Variants in PAFAH2 observed in about 807,000 individuals in gnomAD.
PAFAH2 encodes the protein platelet-activating factor acetylhydrolase 2, cytoplasmic.
In PAFAH2, 42 loss-of-function variants were observed where a neutral mutation model predicts 49.0. The observed-to-expected ratio is 0.86, with a 90% CI of 0.67 to 1.11. The LOEUF is 1.11. PAFAH2 is among the 50% of genes least tolerant of loss of function. The pLI, the probability that PAFAH2 is intolerant of heterozygous loss-of-function variation, is 0.00. For missense variants in PAFAH2, 503 were observed against 501.8 expected, an observed-to-expected ratio of 1.00 and a Z score of -0.02; for synonymous variants, 184 against 181.3, an observed-to-expected ratio of 1.01 and a Z score of -0.12.
chr1:25,984,058 C>T lies in PAFAH2; in HGVS notation c.440G>A (p.Cys147Tyr). 6.2e-7 allele frequency: 1 copy of T among 1,614,106 alleles called. No individual in the cohort carries two copies. The highest frequency in any genetic ancestry group is 8.5e-7 in the Non-Finnish European group (1 of 1,180,006). Residue 147 changes from cysteine (C) to tyrosine (Y), a missense_variant, in exon 6 of 11, where the codon TGC (cysteine) becomes TAC (tyrosine). Coordinates refer to ENST00000374282, the MANE Select transcript of PAFAH2 (RefSeq NM_000437.4). ...CTGGTTCTCTTCTGGGGCCTGCTTG[C>T]AGAAATAGGTGGTTGCCGCTGACCG... is the stretch of plus-strand genomic sequence containing the variant. The part of the protein sequence containing the change: ...RDRSAATTYF[C>Y]KQAPEENQPT...
chr1:25,966,836 C>T (rs890860647), intron 10 of PAFAH2, among the ~76,000 whole-genome samples: 4 of 152,002 alleles, frequency 2.6e-5, no homozygotes, highest in Non-Finnish European at 5.9e-5. Context: ...TCAAGACCAT[C>T]CTGGCTAACA....
At chr1:25,962,821 GA>G (rs112823048) in intron 10 of PAFAH2, among the ~76,000 whole-genome samples, 1,727 of 105,210 alleles carry the variant, frequency 0.016, 29 homozygotes, top group African/African-American at 0.051. Context: ...CCATGTCTCA[GA>G]AAAAAAAAAA....
intron 7 of PAFAH2, among the ~76,000 whole-genome samples, chr1:25,980,611 T>TTATATATATA (rs1553136351): frequency 2.7e-5 from 2 of 74,206 alleles, no homozygotes; most frequent in Non-Finnish European, 3.6e-5. Context: ...TGGGCCATAT[T>TTATATATATA]TATATATATA....
In PAFAH2 at chr1:25,989,555, G is replaced by T; in HGVS notation, c.137C>A (p.Thr46Asn). The change falls in exon 3 of 11, where the codon ACC becomes AAC. Residue 46 changes from threonine to asparagine, a missense_variant. By Grantham distance (65) the Thr-to-Asn change is moderately conservative. Transcript: ENST00000374282. ...LFYPCQKAEE[T>N]MEQPLWIPRY... The stretch of plus-strand genomic sequence containing the variant: ...GGGAATCCACAGGGGCTGCTCCATG[G>T]TCTCCTCTGCCTTTTGGCAGGGGTA... The T allele has an allele frequency of 6.2e-7, 1 of 1,611,842 alleles. No homozygotes were observed. The highest frequency in any genetic ancestry group is 1.1e-5 in the South Asian group (1 of 90,566).
In PAFAH2 at chr1:25,992,678, G is replaced by A. The variant is rs140787432; in HGVS notation, c.-47-1815C>T. 8.3e-4 allele frequency among the ~76,000 whole-genome samples: 127 copies of A among 152,356 alleles called. 1 individual carries two copies. In the South Asian group the frequency reaches 0.01, roughly 12 times the overall value. On this transcript the variant is annotated intron_variant, in intron 1 of 10. Coordinates refer to ENST00000374282, the MANE Select transcript of PAFAH2 (RefSeq NM_000437.4). ...TTTACCCAATAACATATGGCGAGCAGAGCCAGAATTCGATCATGGACAATG... is the reference window on the plus strand; with the variant it reads ...TTTACCCAATAACATATGGCGAGCAAAGCCAGAATTCGATCATGGACAATG...
chr1:25,973,517 C>A (rs973875733), intron 9 of PAFAH2, among the ~76,000 whole-genome samples: 1 of 152,130 alleles, frequency 6.6e-6, no homozygotes, highest in African/African-American at 2.4e-5. Flanking sequence ...GGCGTTAAGT[C>A]CCCTGAGTGT....
chr1:25,966,077 T>C (rs765509799), intron 10 of PAFAH2, among the ~76,000 whole-genome samples: 9 of 141,896 alleles, frequency 6.3e-5, no homozygotes, highest in Non-Finnish European at 1.4e-4. Flanking sequence ...AATGAGATAC[T>C]ACACCAGTCA....
At chr1:25,962,591 G>A (rs2049355204) in intron 10 of PAFAH2, among the ~76,000 whole-genome samples, 1 of 152,066 alleles carries the variant, frequency 6.6e-6, no homozygotes, top group African/African-American at 2.4e-5. Context: ...GGGAGGCTGA[G>A]GCAAGAGGAT....
chr1:25,966,199 A>G lies in PAFAH2; in HGVS notation c.1085-4116T>C, dbSNP rs550926252. ...GTAAATTAGTACAACTTCCATGGAA[A>G]ACGGTATGGAGATCCCTCAGAGAAC... On this transcript the variant is annotated intron_variant, in intron 10 of 10. Coordinates refer to ENST00000374282, the MANE Select transcript of PAFAH2 (RefSeq NM_000437.4). 1.3e-4 allele frequency among the ~76,000 whole-genome samples: 20 copies of G among 152,314 alleles called. No individual in the cohort carries two copies. The South Asian group carries it at 3.9e-3, about 30-fold the overall frequency.
intron 3 of PAFAH2, among the ~76,000 whole-genome samples, chr1:25,989,036 T>C (rs1434723041): frequency 6.6e-6 from 1 of 152,078 alleles, no homozygotes; most frequent in Non-Finnish European, 1.5e-5. Flanking sequence ...AGAATCTTTC[T>C]TTGATACACA....
At chr1:25,969,105 T>C (rs2049470057) in intron 10 of PAFAH2, among the ~76,000 whole-genome samples, 1 of 152,188 alleles carries the variant, frequency 6.6e-6, no homozygotes, top group South Asian at 2.1e-4. Context: ...CATAGGCTTC[T>C]TCCTCTGGCT....
chr1:25,979,092 T>C (rs2049639750), intron 7 of PAFAH2, among the ~76,000 whole-genome samples: 1 of 152,226 alleles, frequency 6.6e-6, no homozygotes, highest in South Asian at 2.1e-4. Context: ...CTGTTGATGA[T>C]ATCAATTGCC....
Position 25,972,646 on chromosome 1 carries a change from G to A in PAFAH2, c.996C>T (p.Phe332=). ...FVTGNLIGKF[F]STETRGSLDP... Reference sequence around the variant, plus strand: ...CCAGGCTCCCACGGGTTTCAGTGGAGAAGAATTTACCAATCAAGTTGCCAG... The same window carrying A: ...CCAGGCTCCCACGGGTTTCAGTGGAAAAGAATTTACCAATCAAGTTGCCAG... Residue 332 remains phenylalanine (F), a synonymous_variant, in exon 10 of 11, where the codon TTC becomes TTT. Coordinates refer to ENST00000374282, the MANE Select transcript of PAFAH2 (RefSeq NM_000437.4). 1 of 1,613,948 alleles carries A rather than the reference G, an allele frequency of 6.2e-7. No homozygotes were observed. Among genetic ancestry groups the A allele is most frequent in the Non-Finnish European group, 8.5e-7 (1 of 1,179,850 alleles).
chr1:25,968,037 G>A (rs931484131), intron 10 of PAFAH2, among the ~76,000 whole-genome samples: 1 of 152,034 alleles, frequency 6.6e-6, no homozygotes, highest in Non-Finnish European at 1.5e-5. Flanking sequence ...ATGGTGGTGG[G>A]TGCCTGTAAT....
chr1:25,972,530 G>A (rs1033619047), intron 10 of PAFAH2, 28 bp downstream of exon 10: 1 of 1,603,922 alleles, frequency 6.2e-7, no homozygotes, highest in Non-Finnish European at 8.5e-7. Flanking sequence ...CCCCACAGCT[G>A]CCCCAAGAGC....
In PAFAH2 at chr1:25,989,614, A is replaced by G. The variant is rs1215869865; in HGVS notation, c.91-13T>C. The G allele has an allele frequency of 1.8e-5, 28 of 1,536,884 alleles. No homozygotes were observed. The highest frequency in any genetic ancestry group is 2.3e-5 in the Non-Finnish European group (26 of 1,141,086). ...GAAAGAAGCTCCCCTGTAGGAAAGA[A>G]GAGAGCAGCTGCTCAGAGCAAGGAG... On this transcript the variant is annotated splice_polypyrimidine_tract_variant and intron_variant, in intron 2 of 10. Transcript: ENST00000374282.
chr1:25,995,168 G>T (rs1022847825), intron 1 of PAFAH2, among the ~76,000 whole-genome samples: 1 of 152,200 alleles, frequency 6.6e-6, no homozygotes, highest in Admixed American at 6.5e-5. Flanking sequence ...CTGAGGCCCA[G>T]TGAAATCTCT....
intron 10 of PAFAH2, among the ~76,000 whole-genome samples, chr1:25,968,508 C>A (rs2049461820): frequency 6.6e-6 from 1 of 152,008 alleles, no homozygotes; most frequent in South Asian, 2.1e-4. Flanking sequence ...TAGGTGGAGA[C>A]AGGAGCTGCA....
chr1:25,970,736 C>T (rs1347895887), intron 10 of PAFAH2, among the ~76,000 whole-genome samples: 2 of 152,074 alleles, frequency 1.3e-5, no homozygotes, highest in Admixed American at 1.3e-4. Context: ...TAGGCACATG[C>T]CACCATACCT....
Sources: gnomAD v4.1 joint callset for allele counts (sites outside exome capture counted in the v4.1 genomes callset) on GRCh38, gnomAD v4.1.1 for gene constraint, MANE v1.5 for transcripts, NCBI Gene and HGNC (gene_info 2026-07-23, HGNC 2026-07-21) for gene names.